The following XIRP2 variants were observed in gnomAD, a reference collection of about 807,000 sequenced individuals.
XIRP2 encodes xin actin-binding repeat-containing protein 2.
In XIRP2, 236 loss-of-function variants were observed where a neutral mutation model predicts 277.0. The ratio of observed to expected loss-of-function variants is 0.85; its 90% CI spans 0.77 to 0.95. XIRP2 has a LOEUF of 0.95. XIRP2 is among the 40% of genes least tolerant of loss of function. The pLI is 0.00. For synonymous variants in XIRP2, 1,490 were observed against 1,416.5 expected (o/e 1.05, Z -1.17); for missense variants, 4,640 against 4,157.5 (o/e 1.12, Z -3.19).
At chr2:167,142,897 G>A (rs1031459425) in intron 3 of XIRP2, among the ~76,000 whole-genome samples, 1 of 152,028 alleles carries the variant, frequency 6.6e-6, no homozygotes, top group Non-Finnish European at 1.5e-5. Context: ...GTGTTCTGGG[G>A]CAGTGATTTT....
At chr2:167,125,356 G>C (rs942514656) in intron 2 of XIRP2, among the ~76,000 whole-genome samples, 5 of 152,112 alleles carry the variant, frequency 3.3e-5, no homozygotes, top group Admixed American at 6.6e-5. Flanking sequence ...TGCCATTCTA[G>C]CCTACATTAT....
chr2:166,941,066 G>A (rs1334220598), intron 2 of XIRP2, among the ~76,000 whole-genome samples: 1 of 152,306 alleles, frequency 6.6e-6, no homozygotes, highest in South Asian at 2.1e-4. Flanking sequence ...AGGCAGGCAG[G>A]CCTCCTTGAG....
chr2:166,980,689 A>T (rs1374703714), intron 2 of XIRP2, among the ~76,000 whole-genome samples: 1 of 152,148 alleles, frequency 6.6e-6, no homozygotes, highest in African/African-American at 2.4e-5. Context: ...AAATTCTGGG[A>T]TTACAGGCAT....
rs1380339472 is a variant in XIRP2 at position 167,243,170 on chromosome 2, C to T, written c.1778C>T (p.Ser593Phe). The T allele has an allele frequency of 1.2e-6, 2 of 1,613,972 alleles. No homozygotes were observed. The highest frequency in any genetic ancestry group is 8.5e-7 in the Non-Finnish European group (1 of 1,179,994). The change falls in exon 9 of 11, where the codon TCT becomes TTT. Residue 593 changes from serine (S) to phenylalanine (F), a missense_variant. Physicochemically the swap from Ser to Phe is radical, Grantham distance 155. Transcript: ENST00000409195. ...CCATTGGATTCCATCAACAATGGCTCTCCTGATGAAGGTGATATTTCCAGG... is the reference window on the plus strand; with the variant it reads ...CCATTGGATTCCATCAACAATGGCTTTCCTGATGAAGGTGATATTTCCAGG... Reference protein sequence around the residue: ...NQPLDSINNGSPDEGDISRGI... With the variant: ...NQPLDSINNGFPDEGDISRGI...
intron 2 of XIRP2, among the ~76,000 whole-genome samples, chr2:167,086,954 T>G (rs4667941): frequency 0.48 from 73,607 of 152,072 alleles, 22,555 homozygotes; most frequent in Non-Finnish European, 0.68. Flanking sequence ...GCCAAAGTCA[T>G]TCTCCATCCA....
chr2:166,923,581 G>A (rs1685109015), intron 2 of XIRP2, among the ~76,000 whole-genome samples: 1 of 151,966 alleles, frequency 6.6e-6, no homozygotes, highest in Non-Finnish European at 1.5e-5. Flanking sequence ...AGAAAGATAA[G>A]AATCTTAAAG....
At chr2:167,072,890 A>T (rs1035242275) in intron 2 of XIRP2, among the ~76,000 whole-genome samples, 1 of 152,198 alleles carries the variant, frequency 6.6e-6, no homozygotes, top group Non-Finnish European at 1.5e-5. Flanking sequence ...TAAAGTGTAT[A>T]AAACATTTCA....
chr2:167,213,948 G>A (rs75026415), intron 4 of XIRP2, among the ~76,000 whole-genome samples: 1 of 151,876 alleles, frequency 6.6e-6, no homozygotes, highest in Non-Finnish European at 1.5e-5. Flanking sequence ...ATAATCCGCG[G>A]TGGCTCACCC....
At chr2:167,068,138 T>G (rs1574222074) in intron 2 of XIRP2, among the ~76,000 whole-genome samples, 1 of 152,216 alleles carries the variant, frequency 6.6e-6, no homozygotes, top group Non-Finnish European at 1.5e-5. Context: ...TTCTAATGTC[T>G]TGTATTACAT....
chr2:166,994,492 TA>T (rs199932317), intron 2 of XIRP2, among the ~76,000 whole-genome samples: 37,873 of 106,870 alleles, frequency 0.35, 3,648 homozygotes, highest in East Asian at 0.63. Context: ...AAAAAAAAAT[TA>T]AAAAAAAAAA....
rs763966424 is a variant in XIRP2 at position 166,903,527 on chromosome 2, A to G, written c.45A>G (p.Lys15=). 3.2e-5 allele frequency: 52 copies of G among 1,613,390 alleles called. No individual in the cohort carries two copies. Among genetic ancestry groups the G allele is most frequent in the Middle Eastern group, 1.6e-4 (1 of 6,076 alleles). Reference sequence around the variant, plus strand: ...GCTCCCTCAACCTCCTGAGGCAGAAATGGGAATCTTGTGATTATCAGAGAA... The same window carrying G: ...GCTCCCTCAACCTCCTGAGGCAGAAGTGGGAATCTTGTGATTATCAGAGAA... ...QKGSLNLLRQ[K]WESCDYQRSE... is the part of the protein sequence containing the mutation. Residue 15 remains lysine, a synonymous_variant, in exon 2 of 11, where the codon AAA becomes AAG. Transcript: ENST00000409195.
intron 2 of XIRP2, among the ~76,000 whole-genome samples, chr2:166,997,918 A>G (rs1687267400): frequency 6.7e-6 from 1 of 149,676 alleles, no homozygotes; most frequent in Non-Finnish European, 1.5e-5. Context: ...AAAAAAAAAA[A>G]GAAGAAGAAG....
In XIRP2 at chr2:167,250,901, C is replaced by A. The variant is rs1695468708; in HGVS notation, c.9509C>A (p.Thr3170Asn). The change falls in exon 9 of 11, where the codon ACT (threonine) becomes AAT (asparagine). Residue 3170 changes from threonine to asparagine, a missense_variant. By Grantham distance (65) the Thr-to-Asn change is moderately conservative (BLOSUM62 0). Transcript: ENST00000409195. ...SQKSEIHRANTSPSPPRSRSE... is the reference protein window; with the variant it reads ...SQKSEIHRANNSPSPPRSRSE... ...AAATCTGAAATTCACAGAGCAAACA[C>A]TTCCCCTTCTCCACCCAGGAGTCGC... 3.1e-6 allele frequency: 5 copies of A among 1,613,290 alleles called. No homozygotes were observed. Among genetic ancestry groups the A allele is most frequent in the Non-Finnish European group, 4.2e-6 (5 of 1,179,666 alleles).
At chr2:167,095,583 C>T (rs185084894) in intron 2 of XIRP2, among the ~76,000 whole-genome samples, 4,399 of 151,978 alleles carry the variant, frequency 0.029, 101 homozygotes, top group South Asian at 0.07. Flanking sequence ...ATGTGGTTTT[C>T]GTCTTTGGTT....
rs535296551 is a variant in XIRP2 at position 166,911,812 on chromosome 2, C to G, written c.408+7922C>G. On this transcript the variant is annotated intron_variant, in intron 2 of 10. Coordinates refer to ENST00000409195, the MANE Select transcript of XIRP2 (RefSeq NM_152381.6). ...TCTTTTAGGGCAGGCCTGGTGGTGA[C>G]AAAATCTCTCAGCATTTGCTTGTCT... is the stretch of plus-strand genomic sequence containing the variant. Among the ~76,000 whole-genome samples the G allele has an allele frequency of 2.5e-3, 381 of 152,252 alleles. 4 individuals are homozygous for G. Among genetic ancestry groups the G allele is most frequent in the African/African-American group, 8.7e-3 (363 of 41,540 alleles).
chr2:167,153,768 A>G (rs1692094733), intron 3 of XIRP2, among the ~76,000 whole-genome samples: 1 of 151,226 alleles, frequency 6.6e-6, no homozygotes. Context: ...ATAGTATTCC[A>G]TGGTGTATAT....
intron 2 of XIRP2, among the ~76,000 whole-genome samples, chr2:166,933,401 G>A (rs781029320): frequency 5.3e-5 from 8 of 151,666 alleles, no homozygotes; most frequent in South Asian, 4.2e-4. Flanking sequence ...ACCCCGTCTC[G>A]GCCTCCCAAA....
chr2:167,022,835 T>C (rs183803787), intron 2 of XIRP2, among the ~76,000 whole-genome samples: 117 of 152,340 alleles, frequency 7.7e-4, no homozygotes, highest in African/African-American at 2.7e-3. Context: ...GTGCCACATT[T>C]TCTTAATACA....
chr2:166,970,398 C>A, intron 2 of XIRP2, among the ~76,000 whole-genome samples: 1 of 151,898 alleles, frequency 6.6e-6, no homozygotes, highest in East Asian at 1.9e-4. Context: ...GGCAAGATTT[C>A]TTATAGTTTT....
Sources: allele counts gnomAD v4.1 joint callset (sites outside exome capture counted in the v4.1 genomes callset), GRCh38; gene constraint gnomAD v4.1.1; transcripts MANE v1.5; gene names NCBI Gene and HGNC (gene_info 2026-07-23, HGNC 2026-07-21).